TMEM184A: variants seen among roughly 807,000 people sequenced by gnomAD.
The protein encoded by TMEM184A is sexually dimorphic, expressed in male gonads 1.
TMEM184A carries 40 observed loss-of-function variants against 39.5 expected under a neutral mutation model. The ratio of observed to expected loss-of-function variants is 1.01; its 90% confidence interval spans 0.79 to 1.32. The LOEUF is 1.32. Among genes scored for constraint, TMEM184A ranks in the 40% most tolerant of loss-of-function variants. The probability of loss-of-function intolerance (pLI) is 0.00; values close to 1 mark genes in which losing one functional copy is unlikely to be tolerated. For synonymous variants in TMEM184A, 280 were observed against 252.3 expected, an observed-to-expected ratio of 1.11 and a Z score of -1.04; for missense variants, 603 against 568.8, an observed-to-expected ratio of 1.06 and a Z score of -0.61.
At chr7:1,550,455 C>A in intron 3 of TMEM184A, 60 bp from the exon 4 acceptor site, 1 of 1,418,972 alleles carries the variant, frequency 7.0e-7, no homozygotes, top group Non-Finnish European at 9.7e-7. Context: ...GACCCCATGG[C>A]GCCCATCTCA....
In TMEM184A at chr7:1,550,298, G is replaced by A; in HGVS notation, c.476+7C>T. 6.2e-7 allele frequency: 1 copy of A among 1,612,526 alleles called. No homozygotes were observed. The highest frequency in any genetic ancestry group is 1.7e-5 in the Admixed American group (1 of 59,918). ...GGGGTGTGGGGGCTCTGGGGTGACG[G>A]GCTTACTTGATGGGCTTTCCACGAA... On this transcript the variant is annotated splice_region_variant and intron_variant, in intron 4 of 8. Coordinates refer to ENST00000297477, the MANE Select transcript of TMEM184A (RefSeq NM_001097620.2).
In TMEM184A at chr7:1,548,995, A is replaced by G. The variant is rs1185511721; in HGVS notation, c.645-307T>C. The G allele has an allele frequency of 7.0e-6, 4 of 568,224 alleles. No individual in the cohort carries two copies. The African/African-American group carries it at 7.4e-5, about 11-fold the overall frequency. The allele number at this position is 568,224 out of a possible 1,614,324, so 35.2% of individuals were successfully genotyped here. On this transcript the variant is annotated intron_variant, in intron 6 of 8. Coordinates refer to ENST00000297477, the MANE Select transcript of TMEM184A (RefSeq NM_001097620.2). ...GCAGCATCCAGGCTGCCTCTGTCGGAACGCCACCTCCCAACCCCGTCCACC... is the reference window on the plus strand; with the variant it reads ...GCAGCATCCAGGCTGCCTCTGTCGGGACGCCACCTCCCAACCCCGTCCACC...
intron 6 of TMEM184A, 87 bp from the exon 7 acceptor site, chr7:1,548,775 C>G (rs1784457487): frequency 5.4e-6 from 8 of 1,474,010 alleles, no homozygotes; most frequent in Admixed American, 2.0e-5. Context: ...CACCCTCAGC[C>G]TGGTCCCCAC....
Position 1,548,665 on chromosome 7 carries a change from A to G in TMEM184A, c.668T>C (p.Val223Ala). 1.2e-6 allele frequency: 2 copies of G among 1,613,804 alleles called. No individual in the cohort carries two copies. The highest frequency in any genetic ancestry group is 1.1e-5 in the South Asian group (1 of 91,086). Residue 223 changes from valine to alanine, a missense_variant, in exon 7 of 9, where the codon GTG becomes GCG. Physicochemically the swap from Val to Ala is moderately conservative, Grantham distance 64. Coordinates refer to ENST00000297477, the MANE Select transcript of TMEM184A (RefSeq NM_001097620.2). ...GACGGAGGCGTTGTAGATGAGGGTC[A>G]CATAGAGGTAGCCGCTGCGGACACT... ...DFNVRSGYLY[V>A]TLIYNASVSL...
chr7:1,548,334 C>T (rs1351355106), intron 7 of TMEM184A, among the ~76,000 whole-genome samples, 185 bp downstream of exon 7: 4 of 152,126 alleles, frequency 2.6e-5, no homozygotes, highest in Non-Finnish European at 2.9e-5. Context: ...CCCACTCCCC[C>T]GTGCTGGCGG....
intron 2 of TMEM184A, among the ~76,000 whole-genome samples, chr7:1,554,745 C>T (rs1043504183): frequency 1.3e-5 from 2 of 152,180 alleles, no homozygotes; most frequent in East Asian, 1.9e-4. Flanking sequence ...TGTGTGGCTT[C>T]GGGCTTGGGG....
At chr7:1,551,415 C>T (rs1040998186) in intron 2 of TMEM184A, among the ~76,000 whole-genome samples, 39 of 126,980 alleles carry the variant, frequency 3.1e-4, no homozygotes, top group Admixed American at 1.8e-4. Context: ...CCAGGTGAGC[C>T]GGGAAGGAGG....
Position 1,555,410 on chromosome 7 carries a change from G to A in TMEM184A, c.75C>T (p.Pro25=), listed in dbSNP as rs1442900864. ...LVSANWPQPS[P]PPAVPAGPQM... ...GCGGCCCAGCTGGCACAGCCGGTGGGGGGCTGGGCTGCGGCCAGTTCGCTG... is the reference window on the plus strand; with the variant it reads ...GCGGCCCAGCTGGCACAGCCGGTGGAGGGCTGGGCTGCGGCCAGTTCGCTG... Residue 25 remains proline, a synonymous_variant, in exon 2 of 9, where the codon CCC becomes CCT. Transcript: ENST00000297477. This position sits in a 1 kb window ranked among gnomAD's most constrained non-coding sequence, Gnocchi z 5.2. 6.2e-7 allele frequency: 1 copy of A among 1,611,726 alleles called. No homozygotes were observed. Among genetic ancestry groups the A allele is most frequent in the Non-Finnish European group, 8.5e-7 (1 of 1,179,702 alleles).
chr7:1,548,308 CTGCTGGCGGGACCTCCCCACTCCCCCG>C (rs1375571177), intron 7 of TMEM184A, among the ~76,000 whole-genome samples, 184 bp downstream of exon 7: 12 of 152,226 alleles, frequency 7.9e-5, no homozygotes, highest in Admixed American at 6.5e-4. Context: ...CTCTCTCCAC[CTGCTGGCGGGACCTCCCCACTCCCCCG>C]TGCTGGCGGG....
At chr7:1,549,611 GAGA>G (rs1003446910) in intron 6 of TMEM184A, 4 of 626,558 alleles carry the variant, frequency 6.4e-6, no homozygotes, top group South Asian at 3.0e-5. Flanking sequence ...GGTCCTTGTG[GAGA>G]AGAAGTGGGT....
chr7:1,555,434 T>C lies in TMEM184A; in HGVS notation c.51A>G (p.Ser17=). The C allele has an allele frequency of 6.2e-7, 1 of 1,610,572 alleles. No individual in the cohort carries two copies. The highest frequency in any genetic ancestry group is 1.7e-5 in the Admixed American group (1 of 59,914). ...GGGGGCTGGGCTGCGGCCAGTTCGC[T>C]GACACCAGGGGGACGCCGGCTGTCT... is the stretch of plus-strand genomic sequence containing the variant. ...ILETAGVPLV[S]ANWPQPSPPP... Residue 17 remains serine (S), a synonymous_variant, in exon 2 of 9, where the codon TCA becomes TCG. Coordinates refer to ENST00000297477, the MANE Select transcript of TMEM184A (RefSeq NM_001097620.2). This position sits in a 1 kb window ranked among gnomAD's most constrained non-coding sequence, Gnocchi z 5.2.
chr7:1,552,732 A>T (rs1467411398), intron 2 of TMEM184A, among the ~76,000 whole-genome samples: 1 of 152,020 alleles, frequency 6.6e-6, no homozygotes, highest in African/African-American at 2.4e-5. Context: ...CATCCAAAGG[A>T]TGTGCACCCT....
chr7:1,549,686 C>T lies in TMEM184A; in HGVS notation c.644+168G>A, dbSNP rs987263234. 26 of 723,656 alleles carry T rather than the reference C, an allele frequency of 3.6e-5. 1 individual carries two copies. Among genetic ancestry groups the T allele is most frequent in the African/African-American group, 8.8e-5 (5 of 56,904 alleles). 44.8% of individuals were successfully genotyped at this position (723,656 alleles called of 1,614,324 possible). A position where few individuals can be genotyped will look rare whatever the true frequency, so the allele number is the denominator to read the frequency against. On this transcript the variant is annotated intron_variant, in intron 6 of 8. Transcript: ENST00000297477. ...CCAGGCCTGCCTTGTTGGGCCCCAC[C>T]GCTGGGCCCCAGGGGACCCAGTGCC... is the stretch of plus-strand genomic sequence containing the variant.
rs967655708 is a variant in TMEM184A at position 1,555,352 on chromosome 7, C to T, written c.133G>A (p.Ala45Thr). Residue 45 changes from alanine to threonine, a missense_variant, in exon 2 of 9, where the codon GCC (alanine) becomes ACC (threonine). Coordinates refer to ENST00000297477, the MANE Select transcript of TMEM184A (RefSeq NM_001097620.2). The surrounding 1 kb of genome is among the most constrained non-coding windows in gnomAD (Gnocchi z 5.2). ...MDHMGNSSQG[A>T]PWLFLTSALA... Reference sequence around the variant, plus strand: ...GCGGAGGTGAGGAAGAGCCAGGGGGCCCCCTGGGAGCTGTTCCCCATGTGG... The same window carrying T: ...GCGGAGGTGAGGAAGAGCCAGGGGGTCCCCTGGGAGCTGTTCCCCATGTGG... The T allele has an allele frequency of 4.3e-6, 7 of 1,610,110 alleles. No homozygotes were observed. The highest frequency in any genetic ancestry group is 1.3e-5 in the African/African-American group (1 of 74,854).
rs1784291941 is a variant in TMEM184A, at chr7:1,544,805, GTC to G, written c.*2145_*2146del. The G allele has an allele frequency of 6.6e-6, 1 of 152,392 alleles. No individual in the cohort carries two copies. Among genetic ancestry groups the G allele is most frequent in the East Asian group, 1.9e-4 (1 of 5,178 alleles). The allele number at this position is 152,392 out of a possible 1,614,324, so 9.4% of individuals were successfully genotyped here. On this transcript the variant is annotated 3_prime_UTR_variant, in exon 9 of 9. Transcript: ENST00000297477. Reference sequence around the variant, plus strand: ...TCTGTGACCTCAGGCAACTTGCTCCGTCTCTCTGGGCTCGGTCGCTGTCCCAG... The same window carrying G: ...TCTGTGACCTCAGGCAACTTGCTCCGTCTCTGGGCTCGGTCGCTGTCCCAG...
intron 2 of TMEM184A, among the ~76,000 whole-genome samples, chr7:1,553,238 C>T (rs766711423): frequency 1.4e-4 from 21 of 152,006 alleles, no homozygotes; most frequent in East Asian, 1.9e-4. Flanking sequence ...CTGCAACCTC[C>T]GCCTCCCGGG....
In TMEM184A at chr7:1,546,774, C is replaced by T; in HGVS notation, c.*178G>A. On this transcript the variant is annotated 3_prime_UTR_variant, in exon 9 of 9. Transcript: ENST00000297477. ...GGCCCACCTGGGTGCCTGCCAGGGCCATCAGGTGCCCTGACCCCCTGGCTG... is the reference window on the plus strand; with the variant it reads ...GGCCCACCTGGGTGCCTGCCAGGGCTATCAGGTGCCCTGACCCCCTGGCTG... 5.5e-6 allele frequency: 3 copies of T among 543,594 alleles called. No individual in the cohort carries two copies. In the South Asian group the frequency reaches 7.9e-5, roughly 14 times the overall value. The allele number at this position is 543,594 out of a possible 1,614,324, so 33.7% of individuals were successfully genotyped here. A position where few individuals can be genotyped will look rare whatever the true frequency, so the allele number is the denominator to read the frequency against.
At chr7:1,548,086 G>C in intron 7 of TMEM184A, 147 bp from the exon 8 acceptor site, 2 of 949,074 alleles carry the variant, frequency 2.1e-6, no homozygotes, top group Non-Finnish European at 1.5e-6. Context: ...AGGTTCAGGG[G>C]GGCAGGGCGC....
At position 1,545,023 on chromosome 7, in the gene TMEM184A, G is replaced by C. The variant is rs1478692531; in HGVS notation, c.*1929C>G. On this transcript the variant is annotated 3_prime_UTR_variant, in exon 9 of 9. Transcript: ENST00000297477. ...GGCGGTGTCTGGGTCTCCAGAAAGG[G>C]AGCCCTCGGCCACACACCCTCCAAA... is the stretch of plus-strand genomic sequence containing the variant. The C allele has an allele frequency of 6.6e-6, 1 of 152,242 alleles. No individual in the cohort carries two copies. The highest frequency in any genetic ancestry group is 1.9e-4 in the East Asian group (1 of 5,180). The allele number at this position is 152,242 out of a possible 1,614,324, so 9.4% of individuals were successfully genotyped here.
Sources: gnomAD v4.1 joint callset for allele counts (sites outside exome capture counted in the v4.1 genomes callset) on GRCh38, gnomAD v4.1.1 for gene constraint, Gnocchi (gnomAD v3.1) non-coding constraint, MANE v1.5 for transcripts, NCBI Gene and HGNC (gene_info 2026-07-23, HGNC 2026-07-21) for gene names.